RNF150: variants seen among roughly 807,000 people sequenced by gnomAD.
RNF150 encodes ring finger protein 150.
In RNF150, 24 loss-of-function variants were observed where a neutral mutation model predicts 39.3. That is an observed-to-expected ratio of 0.61 (90% CI 0.44 to 0.86). The LOEUF is 0.86. RNF150 is among the 40% of genes least tolerant of loss of function. The pLI, the probability that RNF150 is intolerant of heterozygous loss-of-function variation, is 0.00. For missense variants in RNF150, 502 were observed against 587.8 expected (o/e 0.85, Z 1.51); for synonymous variants, 255 against 227.3 (o/e 1.12, Z -1.10).
intron 5 of RNF150, among the ~76,000 whole-genome samples, chr4:140,925,390 A>T (rs1425931106): frequency 6.6e-6 from 1 of 152,122 alleles, no homozygotes; most frequent in Non-Finnish European, 1.5e-5. Flanking sequence ...TCTCTGGGGG[A>T]GTCAACTGGG....
At chr4:141,140,665 C>A (rs1484787234) in intron 1 of RNF150, among the ~76,000 whole-genome samples, 1 of 152,150 alleles carries the variant, frequency 6.6e-6, no homozygotes, top group Non-Finnish European at 1.5e-5. Flanking sequence ...GAACTAAAAG[C>A]CAAGACATTC....
intron 6 of RNF150, among the ~76,000 whole-genome samples, chr4:140,891,981 CCT>C (rs1729770866): frequency 6.6e-6 from 1 of 152,182 alleles, no homozygotes; most frequent in Non-Finnish European, 1.5e-5. Flanking sequence ...CCCCCAACCA[CCT>C]CTCTTGTGGA....
At chr4:141,186,425 G>T (rs2111195523) in intron 1 of RNF150, among the ~76,000 whole-genome samples, 1 of 151,874 alleles carries the variant, frequency 6.6e-6, no homozygotes, top group Middle Eastern at 3.4e-3. Flanking sequence ...TTTGAGAGGG[G>T]GTCTCTCCCT....
chr4:140,887,847 A>C (rs1305606861), intron 6 of RNF150, among the ~76,000 whole-genome samples: 1 of 152,236 alleles, frequency 6.6e-6, no homozygotes, highest in Non-Finnish European at 1.5e-5. Context: ...GAAGCATTTT[A>C]AATAATGTGC....
At chr4:140,992,582 G>A (rs1734232751) in intron 1 of RNF150, among the ~76,000 whole-genome samples, 1 of 152,146 alleles carries the variant, frequency 6.6e-6, no homozygotes, top group Admixed American at 6.5e-5. Flanking sequence ...AGCAAAAGCA[G>A]CAGAGGCAGT....
In RNF150 at chr4:141,061,150, TA is replaced by T. The variant is rs905274998; in HGVS notation, c.484+71174del. Among the ~76,000 whole-genome samples the T allele has an allele frequency of 4.8e-4, 70 of 147,150 alleles. No homozygotes were observed. In the South Asian group the frequency reaches 5.6e-3, roughly 12 times the overall value. On this transcript the variant is annotated intron_variant, in intron 1 of 6. Transcript: ENST00000515673. ...GTTAAAGTATAATAATAAAAAAAAG[TA>T]AAAAAAAAAGATATTAAAAACCCAA...
At chr4:141,188,411 A>T (rs1728049920) in intron 1 of RNF150, among the ~76,000 whole-genome samples, 1 of 151,926 alleles carries the variant, frequency 6.6e-6, no homozygotes, top group Admixed American at 6.6e-5. Context: ...TAGTTTGGGG[A>T]AGTTCTCCTG....
intron 6 of RNF150, among the ~76,000 whole-genome samples, chr4:140,896,850 T>G (rs777106307): frequency 6.6e-6 from 1 of 151,622 alleles, no homozygotes; most frequent in African/African-American, 2.4e-5. Flanking sequence ...AGGTCACACA[T>G]CAGGTCGGGG....
intron 5 of RNF150, among the ~76,000 whole-genome samples, chr4:140,917,582 A>T (rs1376150908): frequency 6.6e-6 from 1 of 152,144 alleles, no homozygotes; most frequent in Admixed American, 6.5e-5. Flanking sequence ...CTCCCACACA[A>T]TCATAATGGG....
At chr4:140,940,168 G>A (rs1170707824) in intron 4 of RNF150, among the ~76,000 whole-genome samples, 3 of 152,218 alleles carry the variant, frequency 2.0e-5, no homozygotes, top group South Asian at 2.1e-4. Flanking sequence ...CAGCCCCATC[G>A]CCAACACAAG....
intron 1 of RNF150, among the ~76,000 whole-genome samples, chr4:141,029,679 C>T (rs1190170375): frequency 6.6e-6 from 1 of 152,008 alleles, no homozygotes. Flanking sequence ...AATTCCTTTA[C>T]AAATTATGGA....
intron 1 of RNF150, among the ~76,000 whole-genome samples, chr4:140,977,145 C>T (rs973452282): frequency 1.3e-5 from 2 of 152,174 alleles, no homozygotes; most frequent in African/African-American, 4.8e-5. Context: ...ACAGAACCCA[C>T]TAAGTAGATG....
intron 1 of RNF150, among the ~76,000 whole-genome samples, chr4:141,195,007 T>C (rs574133938): frequency 1.3e-5 from 2 of 152,264 alleles, no homozygotes; most frequent in African/African-American, 4.8e-5. Context: ...GCTACTATTA[T>C]GTAAGATAAG....
chr4:141,120,673 T>C lies in RNF150; in HGVS notation c.484+11652A>G, dbSNP rs577991160. On this transcript the variant is annotated intron_variant, in intron 1 of 6. Coordinates refer to ENST00000515673, the MANE Select transcript of RNF150 (RefSeq NM_020724.2). Reference sequence around the variant, plus strand: ...TTCCAAAGGTCCTGGGCTGGGAGCATTTGAGGACCAGCAAGAAGACATGAT... The same window carrying C: ...TTCCAAAGGTCCTGGGCTGGGAGCACTTGAGGACCAGCAAGAAGACATGAT... 1.6e-3 allele frequency among the ~76,000 whole-genome samples: 247 copies of C among 152,096 alleles called. 2 individuals carry two copies. The highest frequency in any genetic ancestry group is 5.6e-3 in the African/African-American group (231 of 41,492).
chr4:141,079,431 G>A (rs930928351), intron 1 of RNF150, among the ~76,000 whole-genome samples: 4 of 152,142 alleles, frequency 2.6e-5, no homozygotes, highest in African/African-American at 7.2e-5. Context: ...AATTGGTAGA[G>A]TAAGACTGCC....
In RNF150 at chr4:141,096,345, C is replaced by T. The variant is rs548634619; in HGVS notation, c.484+35980G>A. Among the ~76,000 whole-genome samples the T allele has an allele frequency of 2.6e-5, 4 of 151,766 alleles. No homozygotes were observed. The South Asian group carries it at 8.3e-4, about 32-fold the overall frequency. On this transcript the variant is annotated intron_variant, in intron 1 of 6. Transcript: ENST00000515673. ...CTGAGTAGCTAGGGCTACAGGTGCC[C>T]GCTGCCATGCCTGGCTAATTTTTTG...
chr4:141,141,005 T>C (rs1180434914), intron 1 of RNF150, among the ~76,000 whole-genome samples: 1 of 152,178 alleles, frequency 6.6e-6, no homozygotes, highest in South Asian at 2.1e-4. Context: ...TTGTCATGCT[T>C]TCCTATTGGT....
At chr4:140,996,752 G>A (rs13138409) in intron 1 of RNF150, among the ~76,000 whole-genome samples, 21,832 of 152,216 alleles carry the variant, frequency 0.14, 1,851 homozygotes, top group East Asian at 0.35. Context: ...AAACTATTTA[G>A]CAAAGTGTTG....
chr4:140,956,449 CAAAGGTCAAGAAGAGG>C, intron 2 of RNF150, among the ~76,000 whole-genome samples: 1 of 152,182 alleles, frequency 6.6e-6, no homozygotes, highest in South Asian at 2.1e-4. Context: ...CCTCCCAACT[CAAAGGTCAAGAAGAGG>C]TCACAAGATA....
Sources: allele counts gnomAD v4.1 joint callset (sites outside exome capture counted in the v4.1 genomes callset), GRCh38; gene constraint gnomAD v4.1.1; transcripts MANE v1.5; gene names NCBI Gene and HGNC (gene_info 2026-07-23, HGNC 2026-07-21).